PITPNM3: variants seen among roughly 807,000 people sequenced by gnomAD.
The protein encoded by PITPNM3 is PITPNM family member 3.
A neutral mutation model predicts 102.0 loss-of-function variants in PITPNM3; 26 were observed. The observed-to-expected ratio is 0.25, with a 90% CI of 0.19 to 0.35. The LOEUF (loss-of-function observed/expected upper bound fraction) is 0.35. PITPNM3 is among the 10% of genes least tolerant of loss of function. The pLI is 1.00. For missense variants in PITPNM3, 1,083 were observed against 1,346.1 expected (o/e 0.80, Z 3.06); for synonymous variants, 578 against 558.6 (o/e 1.03, Z -0.49).
At chr17:6,532,016 G>T (rs1185745275) in intron 2 of PITPNM3, among the ~76,000 whole-genome samples, 1 of 151,988 alleles carries the variant, frequency 6.6e-6, no homozygotes, top group Admixed American at 6.6e-5. Flanking sequence ...TGAGGCAGGA[G>T]AATCACTTGA....
In PITPNM3 at chr17:6,478,633, C is replaced by T; in HGVS notation, c.691G>A (p.Asp231Asn). The T allele has an allele frequency of 6.2e-7, 1 of 1,614,014 alleles. No individual in the cohort carries two copies. Among genetic ancestry groups the T allele is most frequent in the Non-Finnish European group, 8.5e-7 (1 of 1,179,994 alleles). Reference sequence around the variant, plus strand: ...CGCTCGATGACGGTGGCGACAGCATCCTGGTACTGCGGGGAGGAGATGGCC... The same window carrying T: ...CGCTCGATGACGGTGGCGACAGCATTCTGGTACTGCGGGGAGGAGATGGCC... ...LLAISSPQYQ[D>N]AVATVIERAN... Residue 231 changes from aspartate to asparagine, a missense_variant, in exon 7 of 20, where the codon GAT becomes AAT. By Grantham distance (23) the Asp-to-Asn change is conservative (BLOSUM62 1). Around this residue, in one of 5 missense-constraint regions of PITPNM3, gnomAD observed 290 missense variants for 337.8 expected, o/e 0.86. Coordinates refer to ENST00000262483, the MANE Select transcript of PITPNM3 (RefSeq NM_031220.4). The surrounding 1 kb of genome is among the most constrained non-coding windows in gnomAD (Gnocchi z 4.4).
At position 6,530,739 on chromosome 17, in the gene PITPNM3, G is replaced by A. The variant is rs915436168; in HGVS notation, c.119-5276C>T. On this transcript the variant is annotated intron_variant, in intron 2 of 19. Coordinates refer to ENST00000262483, the MANE Select transcript of PITPNM3 (RefSeq NM_031220.4). ...CATTCCTGGCCCTGATGGCATTTTT[G>A]TCTCTGCAACTGTCAGGGCCTGGCC... 7.9e-5 allele frequency among the ~76,000 whole-genome samples: 12 copies of A among 152,160 alleles called. No individual in the cohort carries two copies. The South Asian group carries it at 1.2e-3, about 16-fold the overall frequency.
At chr17:6,503,452 G>C in intron 4 of PITPNM3, 75 bp downstream of exon 4, 1 of 1,512,104 alleles carries the variant, frequency 6.6e-7, no homozygotes, top group South Asian at 1.1e-5. Context: ...GAGTGGATGA[G>C]AGGGGACCCA....
rs1309432598 is a variant in PITPNM3 at position 6,470,325 on chromosome 17, G to A, written c.1708C>T (p.Leu570=). The part of the protein sequence containing the change: ...DVLTAFPTVA[L]PHLFHASYWE... ...TAACTGGCGTGGAAGAGGTGGGGCA[G>A]GGCCACGGTGGGGAAGGCCGTGAGG... Residue 570 remains leucine (L), a synonymous_variant, in exon 13 of 20, where the codon CTG becomes TTG. Transcript: ENST00000262483. The surrounding 1 kb of genome is among the most constrained non-coding windows in gnomAD (Gnocchi z 4.8). 1 of 1,614,118 alleles carries A rather than the reference G, an allele frequency of 6.2e-7. No individual in the cohort carries two copies. Among genetic ancestry groups the A allele is most frequent in the South Asian group, 1.1e-5 (1 of 91,070 alleles).
At chr17:6,538,145 C>T (rs750854251) in intron 1 of PITPNM3, 63 bp from the exon 2 acceptor site, 43 of 1,238,640 alleles carry the variant, frequency 3.5e-5, no homozygotes, top group Non-Finnish European at 4.7e-5. Context: ...AGGGAGGTGA[C>T]CCAAGACCCC....
intron 1 of PITPNM3, among the ~76,000 whole-genome samples, chr17:6,545,374 G>A (rs940586905): frequency 6.6e-6 from 1 of 151,928 alleles, no homozygotes; most frequent in Non-Finnish European, 1.5e-5. Context: ...CCTTCTTCTC[G>A]GGCCCCTGGA....
At chr17:6,482,868 A>G (rs1326505494) in intron 6 of PITPNM3, among the ~76,000 whole-genome samples, 1 of 151,930 alleles carries the variant, frequency 6.6e-6, no homozygotes, top group East Asian at 1.9e-4. Flanking sequence ...CTTGGCTGCA[A>G]TCGTGTGGCC....
intron 2 of PITPNM3, among the ~76,000 whole-genome samples, chr17:6,535,925 G>A (rs1033506636): frequency 7.2e-5 from 11 of 152,046 alleles, no homozygotes; most frequent in Middle Eastern, 3.4e-3. Context: ...TTGGTCAGAC[G>A]TGGTGGCACA....
At chr17:6,477,247 G>A (rs187900964) in intron 8 of PITPNM3, 34 bp from the exon 9 acceptor site, 4 of 1,605,612 alleles carry the variant, frequency 2.5e-6, no homozygotes, top group Middle Eastern at 3.3e-4. Flanking sequence ...GAGAGAAAAA[G>A]ACTGTTGTCA....
Position 6,457,807 on chromosome 17 carries a change from G to A in PITPNM3, c.2491-85C>T. On this transcript the variant is annotated intron_variant, in intron 18 of 19. Transcript: ENST00000262483. The surrounding 1 kb of genome is among the most constrained non-coding windows in gnomAD (Gnocchi z 4.7). ...CCCAGGCCAACCCCAGGGGGCCCCT[G>A]CTTGGGGACCCTTTATGTGCACTCT... 1 of 1,516,700 alleles carries A rather than the reference G, an allele frequency of 6.6e-7. No homozygotes were observed. The highest frequency in any genetic ancestry group is 8.9e-7 in the Non-Finnish European group (1 of 1,123,520). The allele number at this position is 1,516,700 out of a possible 1,614,324, so 94.0% of individuals were successfully genotyped here. A position where few individuals can be genotyped will look rare whatever the true frequency, so the allele number is the denominator to read the frequency against.
intron 3 of PITPNM3, among the ~76,000 whole-genome samples, chr17:6,523,010 T>C (rs1032201952): frequency 6.6e-6 from 1 of 152,184 alleles, no homozygotes; most frequent in African/African-American, 2.4e-5. Context: ...ATTCACATTA[T>C]GAATTCACAC....
intron 6 of PITPNM3, chr17:6,480,201 T>C (rs891818872): frequency 1.3e-5 from 2 of 152,202 alleles, no homozygotes; most frequent in African/African-American, 4.8e-5. Context: ...TTTGGGCAAT[T>C]AGCCAGGTTG....
rs1914021929 is a variant in PITPNM3, at chr17:6,455,013, G to A, written c.*325C>T. ...CTGTGAAGCCTGGGGACGCAGGAGG[G>A]TGGTCGACTTTGCCCAAACGCTTCA... On this transcript the variant is annotated 3_prime_UTR_variant, in exon 20 of 20. Transcript: ENST00000262483. 1 of 377,280 alleles carries A rather than the reference G, an allele frequency of 2.7e-6. No homozygotes were observed. Among genetic ancestry groups the A allele is most frequent in the African/African-American group, 2.1e-5 (1 of 47,000 alleles). The allele number at this position is 377,280 out of a possible 1,614,324, so 23.4% of individuals were successfully genotyped here.
chr17:6,532,917 CCG>C (rs1276108967), intron 2 of PITPNM3, among the ~76,000 whole-genome samples: 1 of 152,044 alleles, frequency 6.6e-6, no homozygotes, highest in Non-Finnish European at 1.5e-5. Flanking sequence ...TCATACATTC[CCG>C]CCAGCCGAGT....
At chr17:6,477,828 G>A (rs141964758) in intron 8 of PITPNM3, 147 bp downstream of exon 8, 16 of 1,399,278 alleles carry the variant, frequency 1.1e-5, no homozygotes, top group South Asian at 2.5e-5. Flanking sequence ...TTACAGGCAT[G>A]AGCCACTGCG....
At chr17:6,525,304 C>T (rs180986698) in intron 3 of PITPNM3, 52 bp downstream of exon 3, 5 of 1,528,538 alleles carry the variant, frequency 3.3e-6, no homozygotes, top group South Asian at 1.1e-5. Context: ...TACAGCCCCC[C>T]CTGCAACACA....
chr17:6,493,455 C>T (rs1387981810), intron 4 of PITPNM3, among the ~76,000 whole-genome samples: 1 of 152,220 alleles, frequency 6.6e-6, no homozygotes, highest in Admixed American at 6.5e-5. Context: ...TCTGGAGAGC[C>T]ATTCCAAGTT....
chr17:6,501,494 G>T (rs1284829523), intron 4 of PITPNM3, among the ~76,000 whole-genome samples: 5 of 152,040 alleles, frequency 3.3e-5, no homozygotes, highest in Admixed American at 2.6e-4. Context: ...TCAACCCAAG[G>T]CCAGCTACCA....
At position 6,483,761 on chromosome 17, in the gene PITPNM3, C is replaced by CTTCCTG. The variant is rs1322298710; in HGVS notation, c.352-10_352-9insCAGGAA. 3 of 1,609,878 alleles carry CTTCCTG rather than the reference C, an allele frequency of 1.9e-6. No individual in the cohort carries two copies. Among genetic ancestry groups the CTTCCTG allele is most frequent in the Non-Finnish European group, 2.5e-6 (3 of 1,179,868 alleles). ...CGCTGCGGGCAGCCTTCCTGAGAGC[C>CTTCCTG]AAGGCGGTTGGAATACAGAGAGAGA... On this transcript the variant is annotated splice_polypyrimidine_tract_variant and intron_variant, in intron 5 of 19. Coordinates refer to ENST00000262483, the MANE Select transcript of PITPNM3 (RefSeq NM_031220.4).
Sources: gnomAD v4.1 joint callset for allele counts (sites outside exome capture counted in the v4.1 genomes callset) on GRCh38, gnomAD v4.1.1 for gene constraint, gnomAD v4.1.1 regional missense constraint, Gnocchi (gnomAD v3.1) non-coding constraint, MANE v1.5 for transcripts, NCBI Gene and HGNC (gene_info 2026-07-23, HGNC 2026-07-21) for gene names.